The following NCAPD3 variants were observed in gnomAD, a reference collection of about 807,000 sequenced individuals.
The protein encoded by NCAPD3 is non-SMC condensin II complex subunit D3.
In NCAPD3, 105 loss-of-function variants were observed where a neutral mutation model predicts 182.9. The ratio of observed to expected loss-of-function variants is 0.57; its 90% confidence interval spans 0.49 to 0.68. The LOEUF (loss-of-function observed/expected upper bound fraction) is 0.68, where lower values mean the gene tolerates loss of function less well. Among genes scored for constraint, NCAPD3 ranks in the 30% least tolerant of loss-of-function variants. The pLI is 0.00. For synonymous variants in NCAPD3, 815 were observed against 679.9 expected (o/e 1.20, Z -3.09); for missense variants, 1,944 against 1,837.0 (o/e 1.06, Z -1.07).
chr11:134,206,584 A>AT lies in NCAPD3; in HGVS notation c.1016+14dup, dbSNP rs760862067. On this transcript the variant is annotated intron_variant, in intron 8 of 34. Transcript: ENST00000534548. ...GAGACTGACAGGGTGAAAATTCACG[A>AT]TTTGTGTGCTTCACCTGATAAACTG... The AT allele has an allele frequency of 5.6e-6, 9 of 1,613,150 alleles. No individual in the cohort carries two copies. Among genetic ancestry groups the AT allele is most frequent in the Non-Finnish European group, 7.6e-6 (9 of 1,179,614 alleles).
intron 24 of NCAPD3, among the ~76,000 whole-genome samples, chr11:134,173,960 CAA>C (rs550941587): frequency 7.5e-6 from 1 of 132,746 alleles, no homozygotes; most frequent in Non-Finnish European, 1.6e-5. Context: ...GACTCCATCT[CAA>C]AAAAAAAAAG....
At chr11:134,164,586 G>T (rs1029650494) in intron 27 of NCAPD3, among the ~76,000 whole-genome samples, 3 of 151,932 alleles carry the variant, frequency 2.0e-5, no homozygotes, top group African/African-American at 7.2e-5. Flanking sequence ...ACACTCACTT[G>T]TGACATGAGC....
At chr11:134,194,801 C>T in intron 13 of NCAPD3, 63 bp from the exon 14 acceptor site, 1 of 1,117,232 alleles carries the variant, frequency 9.0e-7, no homozygotes, top group South Asian at 1.4e-5. Context: ...GCTAACATTT[C>T]ACCACACAAT....
At chr11:134,181,400 G>A (rs1048386792) in intron 19 of NCAPD3, among the ~76,000 whole-genome samples, 1 of 152,058 alleles carries the variant, frequency 6.6e-6, no homozygotes, top group Admixed American at 6.6e-5. Context: ...TATAAAGAAC[G>A]GTGTATATAT....
chr11:134,168,274 G>A lies in NCAPD3; in HGVS notation c.3374-79C>T, dbSNP rs759749396. 8 of 1,469,798 alleles carry A rather than the reference G, an allele frequency of 5.4e-6. No homozygotes were observed. The South Asian group carries it at 8.0e-5, about 15-fold the overall frequency. 91.0% of individuals were successfully genotyped at this position (1,469,798 alleles called of 1,614,324 possible). On this transcript the variant is annotated intron_variant, in intron 26 of 34. Coordinates refer to ENST00000534548, the MANE Select transcript of NCAPD3 (RefSeq NM_015261.3). ...GAGAGGAGGTGTAATTCCCACAACT[G>A]GGGGGCCATCTGAGGCTGTCAGGGG...
Position 134,168,043 on chromosome 11 carries a change from A to C in NCAPD3, c.3526T>G (p.Leu1176Val). ...GCTTCCTGCATGACTACATTTGCCAAGGCCATGTCATCTTCTTCCATAAGG... is the reference window on the plus strand; with the variant it reads ...GCTTCCTGCATGACTACATTTGCCACGGCCATGTCATCTTCTTCCATAAGG... ...DLLMEEDDMALANVVMQEAQK... is the reference protein window; with the variant it reads ...DLLMEEDDMAVANVVMQEAQK... The change falls in exon 27 of 35, where the codon TTG (leucine) becomes GTG (valine). Residue 1176 changes from leucine (L) to valine (V), a missense_variant. Around this residue, in one of 3 missense-constraint regions of NCAPD3, gnomAD observed 1,803 missense variants for 1,674.6 expected, o/e 1.08. Coordinates refer to ENST00000534548, the MANE Select transcript of NCAPD3 (RefSeq NM_015261.3). The C allele has an allele frequency of 6.2e-7, 1 of 1,614,132 alleles. No individual in the cohort carries two copies. The highest frequency in any genetic ancestry group is 8.5e-7 in the Non-Finnish European group (1 of 1,179,976).
At chr11:134,159,854 GGACT>G (rs1454364573) in intron 29 of NCAPD3, 34 bp downstream of exon 29, 12 of 1,584,734 alleles carry the variant, frequency 7.6e-6, no homozygotes, top group Non-Finnish European at 1.0e-5. Context: ...ACAGCAGACT[GGACT>G]GTCTGGTCAC....
chr11:134,174,758 T>G (rs952893689), intron 24 of NCAPD3, among the ~76,000 whole-genome samples: 5 of 152,204 alleles, frequency 3.3e-5, no homozygotes, highest in African/African-American at 1.2e-4. Flanking sequence ...AAAGAAATGA[T>G]AAATGTTTGA....
At chr11:134,223,325 C>G (rs1938309855) in intron 1 of NCAPD3, 6 of 673,118 alleles carry the variant, frequency 8.9e-6, no homozygotes, top group Admixed American at 4.1e-5. Context: ...CCTGAGACAC[C>G]TCAGAGGCAG....
Position 134,178,639 on chromosome 11 carries a change from G to C in NCAPD3, c.2777C>G (p.Thr926Ser). The change falls in exon 22 of 35, where the codon ACC becomes AGC. Residue 926 changes from threonine (T) to serine (S), a missense_variant. By Grantham distance (58) the Thr-to-Ser change is moderately conservative. Transcript: ENST00000534548. ...TTCTCCCATGTTTTTCTTACCTAAG[G>C]TAATGATGGCATGTGCTCTAATCAC... ...PSVIRAHAII[T>S]LGKLCLQHED... 6.5e-7 allele frequency: 1 copy of C among 1,545,160 alleles called. No homozygotes were observed. Among genetic ancestry groups the C allele is most frequent in the Non-Finnish European group, 8.7e-7 (1 of 1,144,562 alleles).
chr11:134,188,915 A>G (rs140194743), intron 16 of NCAPD3, among the ~76,000 whole-genome samples: 225 of 152,344 alleles, frequency 1.5e-3, no homozygotes, highest in African/African-American at 5.0e-3. Flanking sequence ...ACAGCCAAGG[A>G]GAGAAGCCTC....
At chr11:134,176,805 G>A (rs1944179856) in intron 23 of NCAPD3, among the ~76,000 whole-genome samples, 1 of 152,190 alleles carries the variant, frequency 6.6e-6, no homozygotes. Flanking sequence ...TCCGCACACG[G>A]AAACGTCCCA....
At chr11:134,171,883 G>A (rs1293192148) in intron 24 of NCAPD3, among the ~76,000 whole-genome samples, 1 of 152,138 alleles carries the variant, frequency 6.6e-6, no homozygotes, top group Admixed American at 6.5e-5. Flanking sequence ...CTCAGTCAGA[G>A]GATGAGGAGC....
chr11:134,208,953 TAA>T lies in NCAPD3; in HGVS notation c.795-4_795-3del. The T allele has an allele frequency of 9.8e-6, 13 of 1,327,980 alleles. No homozygotes were observed. The highest frequency in any genetic ancestry group is 6.5e-5 in the Admixed American group (3 of 46,366). 82.3% of individuals were successfully genotyped at this position (1,327,980 alleles called of 1,614,324 possible). ...ATGTATTTTGCTTGGTTAAGAGCTC[TAA>T]AAAAAAAAGACGAAATATTAGTTAA... On this transcript the variant is annotated splice_polypyrimidine_tract_variant and splice_region_variant and intron_variant, in intron 6 of 34. Transcript: ENST00000534548.
At chr11:134,173,834 G>A (rs1015828394) in intron 24 of NCAPD3, among the ~76,000 whole-genome samples, 57 of 152,046 alleles carry the variant, frequency 3.7e-4, no homozygotes, top group African/African-American at 1.1e-3. Context: ...GGTGGCGCAC[G>A]CCTGTGATCC....
At position 134,204,842 on chromosome 11, in the gene NCAPD3, T is replaced by C. The variant is rs1388933736; in HGVS notation, c.1089+57A>G. The C allele has an allele frequency of 7.2e-7, 1 of 1,390,896 alleles. No individual in the cohort carries two copies. The highest frequency in any genetic ancestry group is 1.4e-5 in the African/African-American group (1 of 69,408). 86.2% of individuals were successfully genotyped at this position (1,390,896 alleles called of 1,614,324 possible). ...CCACACTCACACACACACACACACA[T>C]TTATCTTCACACACGATATACTTCC... is the stretch of plus-strand genomic sequence containing the variant. On this transcript the variant is annotated intron_variant, in intron 9 of 34. Coordinates refer to ENST00000534548, the MANE Select transcript of NCAPD3 (RefSeq NM_015261.3). This position sits in a 1 kb window ranked among gnomAD's most constrained non-coding sequence, Gnocchi z 4.3.
chr11:134,222,730 A>G (rs1938279574), intron 1 of NCAPD3, among the ~76,000 whole-genome samples: 1 of 152,364 alleles, frequency 6.6e-6, no homozygotes, highest in African/African-American at 2.4e-5. Context: ...CCTGAATGTA[A>G]GAGTTTTGCC....
chr11:134,153,209 G>A lies in NCAPD3; in HGVS notation c.4328-9C>T, dbSNP rs373013038. 2.5e-6 allele frequency: 4 copies of A among 1,613,934 alleles called. No individual in the cohort carries two copies. The highest frequency in any genetic ancestry group is 2.7e-5 in the African/African-American group (2 of 74,904). ...CCGGCCTTCAATTTTCTCTAAAAGG[G>A]AGTCAAACAAACACATTCAGCTTTC... On this transcript the variant is annotated splice_polypyrimidine_tract_variant and intron_variant, in intron 33 of 34. Transcript: ENST00000534548.
At chr11:134,224,137 C>A (rs1484018027), upstream of NCAPD3, 1 of 618,232 alleles carries the variant, frequency 1.6e-6, no homozygotes, top group African/African-American at 1.9e-5. Context: ...GGAAGCCAAA[C>A]AAGGCTCCTG....
Sources: gnomAD v4.1 joint callset for allele counts (sites outside exome capture counted in the v4.1 genomes callset) on GRCh38, gnomAD v4.1.1 for gene constraint, gnomAD v4.1.1 regional missense constraint, Gnocchi (gnomAD v3.1) non-coding constraint, MANE v1.5 for transcripts, NCBI Gene and HGNC (gene_info 2026-07-23, HGNC 2026-07-21) for gene names.